PI4KA: variants seen among roughly 807,000 people sequenced by gnomAD.
PI4KA encodes the protein phosphatidylinositol 4-kinase alpha, also known as PI4-kinase alpha.
Under a neutral mutation model 271.4 loss-of-function variants are expected in PI4KA, and 122 were observed. That is an observed-to-expected ratio of 0.45 (90% CI 0.39 to 0.52). The LOEUF (loss-of-function observed/expected upper bound fraction) is 0.52, where lower values mean the gene tolerates loss of function less well. PI4KA is among the 20% of genes least tolerant of loss of function. PI4KA has a pLI of 0.00. For synonymous variants in PI4KA, 1,041 were observed against 1,078.8 expected (o/e 0.96, Z 0.69); for missense variants, 1,969 against 2,769.1 (o/e 0.71, Z 6.48).
chr22:20,847,169 T>C (rs1216937458), intron 1 of PI4KA, among the ~76,000 whole-genome samples: 7 of 143,168 alleles, frequency 4.9e-5, no homozygotes, highest in Non-Finnish European at 1.1e-4. Context: ...AAAAAAGTAA[T>C]AGCTAATGGA....
At position 20,733,790 on chromosome 22, in the gene PI4KA, G is replaced by C; in HGVS notation, c.4106C>G (p.Thr1369Ser). 6.2e-7 allele frequency: 1 copy of C among 1,612,966 alleles called. No homozygotes were observed. The highest frequency in any genetic ancestry group is 8.5e-7 in the Non-Finnish European group (1 of 1,179,832). Residue 1369 changes from threonine to serine, a missense_variant, in exon 35 of 55, where the codon ACC (threonine) becomes AGC (serine). Physicochemically the swap from Thr to Ser is moderately conservative, Grantham distance 58 (BLOSUM62 1). This residue lies in a region of PI4KA where 72 missense variants were observed against 103.1 expected (regional missense o/e 0.70). Transcript: ENST00000255882. ...CTTCTCGCGAAGCACATTGCGGATG[G>C]TTGCATTTGGAACCACATCGGCATG... ...LLHADVVPNA[T>S]IRNVLREKIY...
chr22:20,798,811 A>T (rs1442311053), intron 16 of PI4KA, 124 bp from the exon 17 acceptor site: 3 of 712,564 alleles, frequency 4.2e-6, no homozygotes, highest in Non-Finnish European at 7.4e-6. Context: ...CAGCCCAAAG[A>T]TCATCCATTT....
intron 13 of PI4KA, 42 bp downstream of exon 13, chr22:20,803,149 G>A (rs373938384): frequency 6.4e-5 from 102 of 1,606,214 alleles, no homozygotes; most frequent in Non-Finnish European, 8.4e-5. Context: ...CAGTCACAGA[G>A]CCCCTTTCTC....
intron 19 of PI4KA, chr22:20,786,772 T>C: frequency 1.7e-6 from 2 of 1,166,050 alleles, no homozygotes; most frequent in Non-Finnish European, 1.3e-6. Flanking sequence ...CCACCTTACA[T>C]GTTGTCTTTG....
intron 41 of PI4KA, 48 bp downstream of exon 41, chr22:20,727,182 C>CT: frequency 6.4e-7 from 1 of 1,566,878 alleles, no homozygotes; most frequent in Non-Finnish European, 8.6e-7. Flanking sequence ...GGTAAGACCC[C>CT]TCCCAACAGT....
intron 19 of PI4KA, among the ~76,000 whole-genome samples, chr22:20,774,668 G>A (rs554124058): frequency 1.3e-5 from 2 of 151,866 alleles, no homozygotes; most frequent in Non-Finnish European, 2.9e-5. Context: ...GGCTGAGGCA[G>A]GAGAATCGCT....
chr22:20,773,188 C>T (rs1186057682), intron 19 of PI4KA, among the ~76,000 whole-genome samples: 1 of 152,112 alleles, frequency 6.6e-6, no homozygotes, highest in African/African-American at 2.4e-5. Flanking sequence ...GAGTTCAACA[C>T]CAGCCTGGCC....
intron 43 of PI4KA, among the ~76,000 whole-genome samples, chr22:20,720,025 C>CAAA (rs869149471): frequency 1.1e-4 from 4 of 35,378 alleles, no homozygotes; most frequent in Admixed American, 4.1e-4. Flanking sequence ...GACTCTGTCT[C>CAAA]AAAAAAAAAA....
At chr22:20,795,909 G>A (rs1302662686) in intron 18 of PI4KA, among the ~76,000 whole-genome samples, 3 of 152,166 alleles carry the variant, frequency 2.0e-5, no homozygotes, top group Non-Finnish European at 2.9e-5. Flanking sequence ...ACCACCCTAG[G>A]ATGGGTCGGG....
intron 18 of PI4KA, among the ~76,000 whole-genome samples, chr22:20,794,335 G>C (rs1409397769): frequency 3.9e-5 from 6 of 152,172 alleles, no homozygotes; most frequent in Non-Finnish European, 7.3e-5. Context: ...CCCTCAGACA[G>C]GTTACAGCCT....
At chr22:20,819,303 G>GTT (rs1350926073) in intron 6 of PI4KA, among the ~76,000 whole-genome samples, 1 of 148,802 alleles carries the variant, frequency 6.7e-6, no homozygotes, top group African/African-American at 2.5e-5. Context: ...TTAAAGGAGT[G>GTT]GTTTTTTTTT....
chr22:20,803,139 C>T (rs1006870376), intron 13 of PI4KA, 52 bp downstream of exon 13: 1 of 1,594,326 alleles, frequency 6.3e-7, no homozygotes, highest in African/African-American at 1.3e-5. Flanking sequence ...GGCTCACACA[C>T]AGTCACAGAG....
chr22:20,832,798 C>A (rs1223541924), intron 3 of PI4KA, among the ~76,000 whole-genome samples: 2 of 152,076 alleles, frequency 1.3e-5, no homozygotes, highest in African/African-American at 4.8e-5. Context: ...TCTCCTATAT[C>A]GTTTTATTGT....
At chr22:20,777,466 C>A (rs907647456) in intron 19 of PI4KA, among the ~76,000 whole-genome samples, 2 of 152,214 alleles carry the variant, frequency 1.3e-5, no homozygotes, top group Non-Finnish European at 2.9e-5. Context: ...GATCCGCCCA[C>A]CTCGGCCTCC....
chr22:20,710,148 T>G, intron 52 of PI4KA, 151 bp from the exon 53 acceptor site: 1 of 672,952 alleles, frequency 1.5e-6, no homozygotes, highest in Admixed American at 2.1e-5. Context: ...CCGAGGCAAC[T>G]TTCGATCTGC....
At chr22:20,837,304 G>A (rs1364410199) in intron 2 of PI4KA, among the ~76,000 whole-genome samples, 1 of 152,198 alleles carries the variant, frequency 6.6e-6, no homozygotes, top group East Asian at 1.9e-4. Context: ...TTGAGCCCAG[G>A]AGTTCAAGGC....
intron 19 of PI4KA, among the ~76,000 whole-genome samples, chr22:20,785,441 C>G (rs148460560): frequency 6.9e-4 from 105 of 152,280 alleles, no homozygotes; most frequent in African/African-American, 2.5e-3. Flanking sequence ...GAAGATCAAG[C>G]CTTCCTGCCC....
At chr22:20,756,264 C>G in intron 23 of PI4KA, among the ~76,000 whole-genome samples, 1 of 150,828 alleles carries the variant, frequency 6.6e-6, no homozygotes, top group East Asian at 1.9e-4. Context: ...CAGGCTGGAG[C>G]GCAGTGGTGC....
chr22:20,790,455 G>GT (rs1192495900), intron 19 of PI4KA, among the ~76,000 whole-genome samples: 1 of 152,094 alleles, frequency 6.6e-6, no homozygotes, highest in African/African-American at 2.4e-5. Flanking sequence ...GAAACCAGGA[G>GT]TTTGAGACCA....
Sources: gnomAD v4.1 joint callset for allele counts (sites outside exome capture counted in the v4.1 genomes callset) on GRCh38, gnomAD v4.1.1 for gene constraint, gnomAD v4.1.1 regional missense constraint, MANE v1.5 for transcripts, NCBI Gene and HGNC (gene_info 2026-07-23, HGNC 2026-07-21) for gene names.